The following PDK1 variants were observed in gnomAD, a reference collection of about 807,000 sequenced individuals.
The protein encoded by PDK1 is [Pyruvate dehydrogenase (acetyl-transferring)] kinase isozyme 1, mitochondrial.
PDK1 carries 39 observed loss-of-function variants against 54.2 expected under a neutral mutation model. That is an observed-to-expected ratio of 0.72 (90% confidence interval 0.56 to 0.94). The LOEUF (loss-of-function observed/expected upper bound fraction) is 0.94, where lower values mean the gene tolerates loss of function less well. PDK1 is among the 40% of genes least tolerant of loss of function. The probability of loss-of-function intolerance (pLI) is 0.00; values close to 1 mark genes in which losing one functional copy is unlikely to be tolerated. For missense variants in PDK1, 552 were observed against 566.0 expected, an observed-to-expected ratio of 0.98 and a Z score of 0.25; for synonymous variants, 221 against 207.1, an observed-to-expected ratio of 1.07 and a Z score of -0.58.
At chr2:172,658,201 G>T in the PDK1 span, among the ~76,000 whole-genome samples, 1 of 152,158 alleles carries the variant, frequency 6.6e-6, no homozygotes, top group Non-Finnish European at 1.5e-5. Flanking sequence ...ATGAGATTTG[G>T]TGAAAACAAA....
chr2:172,564,358 T>C lies in PDK1; in HGVS notation c.411-145T>C, dbSNP rs967013915. On this transcript the variant is annotated intron_variant, in intron 3 of 10. Transcript: ENST00000282077. ...GGTATATTTTATGATCTGAAATACA[T>C]TTAAATAAGTATAGGAAAACATGAA... The C allele has an allele frequency of 8.1e-6, 5 of 616,316 alleles. No homozygotes were observed. In the Admixed American group the frequency reaches 8.7e-5, roughly 11 times the overall value. 38.2% of individuals were successfully genotyped at this position (616,316 alleles called of 1,614,324 possible). A position where few individuals can be genotyped will look rare whatever the true frequency, so the allele number is the denominator to read the frequency against.
At chr2:172,692,968 C>T in the PDK1 span, among the ~76,000 whole-genome samples, 3 of 152,208 alleles carry the variant, frequency 2.0e-5, no homozygotes, top group South Asian at 2.1e-4. Flanking sequence ...TTTGCAAAAG[C>T]ATCCACAGTA....
chr2:172,702,475 T>TA, the PDK1 span, among the ~76,000 whole-genome samples: 1,294 of 141,240 alleles, frequency 9.2e-3, 23 homozygotes, highest in African/African-American at 0.027. Flanking sequence ...AGACTTTGTT[T>TA]AAAAAAAAAA....
At chr2:172,572,970 T>A (rs1320074577) in intron 8 of PDK1, among the ~76,000 whole-genome samples, 1 of 152,232 alleles carries the variant, frequency 6.6e-6, no homozygotes, top group Non-Finnish European at 1.5e-5. Flanking sequence ...TATATGGATA[T>A]AACACCTTTG....
chr2:172,628,608 A>C, the PDK1 span, among the ~76,000 whole-genome samples: 1 of 152,042 alleles, frequency 6.6e-6, no homozygotes, highest in Non-Finnish European at 1.5e-5. Flanking sequence ...GGGTGAGTTG[A>C]TTTTGGAAAC....
chr2:172,635,302 A>G, the PDK1 span, among the ~76,000 whole-genome samples: 6 of 152,080 alleles, frequency 3.9e-5, no homozygotes, highest in Admixed American at 3.9e-4. Context: ...CACACGGCCA[A>G]TTGTATTAAC....
chr2:172,575,834 A>C (rs1689548627), intron 8 of PDK1, among the ~76,000 whole-genome samples: 1 of 152,126 alleles, frequency 6.6e-6, no homozygotes, highest in South Asian at 2.1e-4. Flanking sequence ...AAATAATAAT[A>C]ATTAAATAAA....
chr2:172,709,648 C>T, the PDK1 span, among the ~76,000 whole-genome samples: 73 of 152,316 alleles, frequency 4.8e-4, no homozygotes, highest in Middle Eastern at 6.8e-3. Context: ...AGTCACCCAA[C>T]GGCACAATTC....
the PDK1 span, among the ~76,000 whole-genome samples, chr2:172,720,052 A>C: frequency 6.6e-6 from 1 of 151,148 alleles, no homozygotes; most frequent in Admixed American, 6.6e-5. Context: ...TTATCTAGTT[A>C]GCAGTTGAGC....
chr2:172,651,218 A>G, the PDK1 span, among the ~76,000 whole-genome samples: 1 of 152,218 alleles, frequency 6.6e-6, no homozygotes, highest in Non-Finnish European at 1.5e-5. Context: ...CTGCTCCTGA[A>G]TGACTACTGG....
the PDK1 span, among the ~76,000 whole-genome samples, chr2:172,615,546 C>T: frequency 6.6e-6 from 1 of 152,074 alleles, no homozygotes; most frequent in South Asian, 2.1e-4. Flanking sequence ...TCGCTTGAAC[C>T]TGGGAGGCAG....
At chr2:172,660,247 CTTTTTTTTTTTTTTT>C in the PDK1 span, among the ~76,000 whole-genome samples, 1 of 44,218 alleles carries the variant, frequency 2.3e-5, no homozygotes, top group Non-Finnish European at 3.9e-5. Context: ...CTCTCTCTCT[CTTTTTTTTTTTTTTT>C]TTTTTTTTTT....
the PDK1 span, among the ~76,000 whole-genome samples, chr2:172,701,062 G>A: frequency 1.3e-5 from 2 of 151,818 alleles, no homozygotes; most frequent in South Asian, 2.1e-4. Context: ...GAGGGAGAGG[G>A]AGAGCTCTTT....
chr2:172,686,953 C>T, the PDK1 span, among the ~76,000 whole-genome samples: 81 of 152,270 alleles, frequency 5.3e-4, no homozygotes, highest in African/African-American at 1.6e-3. Context: ...TTAAAAATCA[C>T]ACCTAATTTT....
chr2:172,691,773 T>A, the PDK1 span, among the ~76,000 whole-genome samples: 1 of 152,246 alleles, frequency 6.6e-6, no homozygotes, highest in Non-Finnish European at 1.5e-5. Context: ...CTGAATAATA[T>A]TCCATTGTCT....
chr2:172,661,498 G>C, the PDK1 span, among the ~76,000 whole-genome samples: 1 of 152,162 alleles, frequency 6.6e-6, no homozygotes, highest in East Asian at 1.9e-4. Flanking sequence ...AGTGACGTCA[G>C]CCATGAAATC....
chr2:172,622,444 A>G, the PDK1 span, among the ~76,000 whole-genome samples: 3 of 146,690 alleles, frequency 2.0e-5, no homozygotes, highest in Non-Finnish European at 4.5e-5. Flanking sequence ...TTTATATCTC[A>G]TATATTATGT....
the PDK1 span, among the ~76,000 whole-genome samples, chr2:172,639,350 A>G: frequency 2.7e-4 from 41 of 152,322 alleles, no homozygotes; most frequent in Non-Finnish European, 5.9e-4. Context: ...TCACTCTCCA[A>G]AGGGTCTGGC....
intron 10 of PDK1, 44 bp from the exon 11 acceptor site, chr2:172,595,785 T>TA: frequency 1.3e-6 from 2 of 1,562,240 alleles, no homozygotes; most frequent in Admixed American, 1.9e-5. Flanking sequence ...TAATGAATTC[T>TA]AAAAAATGCC....
Sources: gnomAD v4.1 joint callset for allele counts (sites outside exome capture counted in the v4.1 genomes callset) on GRCh38, gnomAD v4.1.1 for gene constraint, MANE v1.5 for transcripts, NCBI Gene and HGNC (gene_info 2026-07-23, HGNC 2026-07-21) for gene names.